DNAH2: variants seen among roughly 807,000 people sequenced by gnomAD.
DNAH2 encodes the protein dynein axonemal heavy chain 2.
A neutral mutation model predicts 523.5 loss-of-function variants in DNAH2; 323 were observed. That is an observed-to-expected ratio of 0.62 (90% CI 0.56 to 0.68). DNAH2 has a LOEUF of 0.68. Ranked by LOEUF, DNAH2 falls within the 30% of genes least tolerant of loss-of-function variation. The pLI is 0.00. For missense variants in DNAH2, 4,907 were observed against 5,701.5 expected (o/e 0.86, Z 4.49); for synonymous variants, 2,093 against 2,177.4 (o/e 0.96, Z 1.08).
At position 7,764,163 on chromosome 17, in the gene DNAH2, C is replaced by T; in HGVS notation, c.3226C>T (p.Gln1076Ter). 1.9e-6 allele frequency: 3 copies of T among 1,614,248 alleles called. No individual in the cohort carries two copies. Among genetic ancestry groups the T allele is most frequent in the Non-Finnish European group, 2.5e-6 (3 of 1,180,048 alleles). The change falls in exon 20 of 86, where the codon CAG becomes TAG. Residue 1076 changes from glutamine (Q) to a stop codon, truncating the protein, a stop_gained. Transcript: ENST00000572933. LOFTEE classifies it high-confidence loss of function. ...ACTGGAGGAACTGGGGGTCAGCTTG[C>T]AGCTCGTGGATGCCCTGAAGCACGA... ...QTLEELGVSL[Q>*]LVDALKHDLA...
intron 49 of DNAH2, 55 bp downstream of exon 49, chr17:7,794,413 C>T: frequency 6.6e-7 from 1 of 1,508,288 alleles, no homozygotes; most frequent in Non-Finnish European, 9.0e-7. Flanking sequence ...TGAAACGTGT[C>T]TGTCTCAGAG....
In DNAH2 at chr17:7,770,664, G is replaced by A. The variant is rs993068758; in HGVS notation, c.4181+25G>A. ...GGTCAGGGGAGCTGGGGCTCTAGGA[G>A]AATGGAGGGCTGTGTGACCCAGGCT... On this transcript the variant is annotated intron_variant, in intron 26 of 85. Coordinates refer to ENST00000572933, the MANE Select transcript of DNAH2 (RefSeq NM_020877.5). The A allele has an allele frequency of 2.5e-6, 4 of 1,613,944 alleles. No individual in the cohort carries two copies. The African/African-American group carries it at 5.3e-5, about 22-fold the overall frequency.
chr17:7,802,344 T>C (rs2077245750), intron 58 of DNAH2, among the ~76,000 whole-genome samples: 1 of 152,218 alleles, frequency 6.6e-6, no homozygotes, highest in Non-Finnish European at 1.5e-5. Flanking sequence ...CTAGACTTTC[T>C]ACCTGTATGA....
rs1279880804 is a variant in DNAH2 at position 7,776,048 on chromosome 17, A to T, written c.4846A>T (p.Thr1616Ser). ...GTCCTGGCTTGGCGATGTGGAACAG[A>T]CCATGAGGGTGACCCTGCGGGACCT... ...VESWLGDVEQ[T>S]MRVTLRDLLR... The change falls in exon 31 of 86, where the codon ACC becomes TCC. Residue 1616 changes from threonine to serine, a missense_variant. This residue lies in a region of DNAH2 where 2,806 missense variants were observed against 3,190.8 expected (regional missense o/e 0.88). Transcript: ENST00000572933. 2.5e-6 allele frequency: 4 copies of T among 1,613,932 alleles called. No homozygotes were observed. In the African/African-American group the frequency reaches 4.0e-5, roughly 16 times the overall value.
intron 4 of DNAH2, among the ~76,000 whole-genome samples, chr17:7,728,567 T>C (rs1292373211): frequency 6.6e-6 from 1 of 152,214 alleles, no homozygotes; most frequent in Admixed American, 6.5e-5. Context: ...TGAATATACA[T>C]TTTAATATAA....
In DNAH2 at chr17:7,780,620, G is replaced by C. The variant is rs775928204; in HGVS notation, c.5851-10G>C. ...GATGGACTGTTTCCTCCTCTGTTTT[G>C]GTTCCCCAGATTCTGGCCAAGAAGG... On this transcript the variant is annotated splice_polypyrimidine_tract_variant and intron_variant, in intron 37 of 85. Transcript: ENST00000572933. The surrounding 1 kb of genome is among the most constrained non-coding windows in gnomAD (Gnocchi z 4.4). The C allele has an allele frequency of 1.9e-6, 3 of 1,613,490 alleles. No homozygotes were observed. The East Asian group carries it at 6.7e-5, about 36-fold the overall frequency.
At position 7,818,744 on chromosome 17, in the gene DNAH2, G is replaced by A. The variant is rs1433345792; in HGVS notation, c.10638G>A (p.Arg3546=). The A allele has an allele frequency of 1.2e-6, 2 of 1,614,100 alleles. No homozygotes were observed. The highest frequency in any genetic ancestry group is 1.7e-6 in the Non-Finnish European group (2 of 1,179,994). Residue 3546 remains arginine, a synonymous_variant, in exon 70 of 86, where the codon AGG becomes AGA. Coordinates refer to ENST00000572933, the MANE Select transcript of DNAH2 (RefSeq NM_020877.5). ...SLVINIAAGK[R]KLKELEDEIL... ...TCATCAACATCGCGGCTGGTAAAAG[G>A]AAGCTCAAGGAGCTGGAGGATGAGA... is the stretch of plus-strand genomic sequence containing the variant.
rs751277845 is a variant in DNAH2 at position 7,823,946 on chromosome 17, C to A, written c.11442C>A (p.Ser3814=). 6.8e-6 allele frequency: 11 copies of A among 1,613,714 alleles called. No individual in the cohort carries two copies. Among genetic ancestry groups the A allele is most frequent in the Non-Finnish European group, 9.3e-6 (11 of 1,180,050 alleles). The change falls in exon 75 of 86, where the codon TCC becomes TCA. Residue 3814 remains serine (S), a synonymous_variant. Coordinates refer to ENST00000572933, the MANE Select transcript of DNAH2 (RefSeq NM_020877.5). ...CCTTCATCATCACCAACCTTGGCTC[C>A]CGCTTCATCGAGCCGCCTGTGCTGA... The part of the protein sequence containing the change: ...VTSFIITNLG[S]RFIEPPVLNM...
chr17:7,772,128 G>T (rs113512082), intron 28 of DNAH2, among the ~76,000 whole-genome samples: 1 of 152,116 alleles, frequency 6.6e-6, no homozygotes, highest in South Asian at 2.1e-4. Context: ...AGGCCTGGTC[G>T]ACTGGGGGAG....
At chr17:7,726,227 A>G (rs910196479) in intron 3 of DNAH2, among the ~76,000 whole-genome samples, 2 of 151,650 alleles carry the variant, frequency 1.3e-5, no homozygotes, top group African/African-American at 4.9e-5. Flanking sequence ...GCTGGTCTTG[A>G]ATGCCTGACC....
chr17:7,739,886 C>A lies in DNAH2; in HGVS notation c.1324C>A (p.Arg442Ser). 1 of 1,613,986 alleles carries A rather than the reference C, an allele frequency of 6.2e-7. No homozygotes were observed. ...HKNLHTLRAVRGGILDVKNTC... is the reference protein window; with the variant it reads ...HKNLHTLRAVSGGILDVKNTC... Reference sequence around the variant, plus strand: ...AAATCTGCACACGCTGCGAGCCGTTCGCGGGGGTATCCTGGATGTCAAGAA... The same window carrying A: ...AAATCTGCACACGCTGCGAGCCGTTAGCGGGGGTATCCTGGATGTCAAGAA... Residue 442 changes from arginine to serine, a missense_variant, in exon 9 of 86, where the codon CGC becomes AGC. Arg to Ser is a moderately radical substitution (Grantham distance 110). Coordinates refer to ENST00000572933, the MANE Select transcript of DNAH2 (RefSeq NM_020877.5).
chr17:7,810,042 CTTCTTTCTT>C (rs1372239425), intron 63 of DNAH2, among the ~76,000 whole-genome samples: 1 of 147,822 alleles, frequency 6.8e-6, no homozygotes, highest in Admixed American at 6.8e-5. Flanking sequence ...CCTTCCTTTT[CTTCTTTCTT>C]TTCTTTCTTT....
chr17:7,725,945 A>G (rs575411336), intron 3 of DNAH2, among the ~76,000 whole-genome samples: 1 of 152,216 alleles, frequency 6.6e-6, no homozygotes, highest in East Asian at 1.9e-4. Flanking sequence ...AGGAAAGATG[A>G]AAAGACTTCG....
At chr17:7,757,058 G>A (rs755386005) in intron 12 of DNAH2, 33 bp from the exon 13 acceptor site, 1 of 1,612,952 alleles carries the variant, frequency 6.2e-7, no homozygotes, top group South Asian at 1.1e-5. Flanking sequence ...CCCTCGTGCG[G>A]TCCCCTCACT....
In DNAH2 at chr17:7,833,308, G is replaced by A. The variant is rs199842417; in HGVS notation, c.13130-71G>A. On this transcript the variant is annotated intron_variant, in intron 85 of 85. Coordinates refer to ENST00000572933, the MANE Select transcript of DNAH2 (RefSeq NM_020877.5). ...CTCTGCTCCAGCCCATCCCACACCC[G>A]CTCCTGCCCTGCTCCTGCCCTGCTC... 2.6e-4 allele frequency: 425 copies of A among 1,606,782 alleles called. 2 individuals carry two copies. The highest frequency in any genetic ancestry group is 4.3e-5 in the Non-Finnish European group (50 of 1,176,400).
chr17:7,768,069 G>C lies in DNAH2; in HGVS notation c.3837+8G>C. 2 of 1,614,186 alleles carry C rather than the reference G, an allele frequency of 1.2e-6. No homozygotes were observed. The highest frequency in any genetic ancestry group is 1.7e-6 in the Non-Finnish European group (2 of 1,180,010). ...TTAGCCAAAGAGTATAAGGTGGGGA[G>C]AAACGGCGGGGAGGCGGAAGAGAAG... On this transcript the variant is annotated splice_region_variant and intron_variant, in intron 23 of 85. Transcript: ENST00000572933.
chr17:7,806,025 C>T (rs985873558), intron 61 of DNAH2, among the ~76,000 whole-genome samples: 2 of 152,144 alleles, frequency 1.3e-5, no homozygotes, highest in African/African-American at 4.8e-5. Context: ...TAACAGAAAA[C>T]AGCTCATCTT....
chr17:7,742,776 TA>T, intron 11 of DNAH2, 151 bp from the exon 12 acceptor site: 1 of 474,864 alleles, frequency 2.1e-6, no homozygotes, highest in Non-Finnish European at 3.4e-6. Flanking sequence ...ACCTTCCTTC[TA>T]AGTTATCAAA....
At chr17:7,824,801 G>A in intron 77 of DNAH2, 74 bp downstream of exon 77, 2 of 1,271,678 alleles carry the variant, frequency 1.6e-6, no homozygotes, top group Non-Finnish European at 2.1e-6. Flanking sequence ...CCAGAGAGAG[G>A]GCTTAACCAA....
Sources: allele counts gnomAD v4.1 joint callset (sites outside exome capture counted in the v4.1 genomes callset), GRCh38; gene constraint gnomAD v4.1.1; regional missense constraint gnomAD v4.1.1; non-coding constraint Gnocchi (gnomAD v3.1); transcripts MANE v1.5; gene names NCBI Gene and HGNC (gene_info 2026-07-23, HGNC 2026-07-21).